The following RNF123 variants were observed in gnomAD, a reference collection of about 807,000 sequenced individuals.
RNF123 encodes ring finger protein 123, also known as E3 ubiquitin-protein ligase RNF123.
In RNF123, 86 loss-of-function variants were observed where a neutral mutation model predicts 168.5. That is an observed-to-expected ratio of 0.51 (90% CI 0.43 to 0.61). RNF123 has a LOEUF of 0.61. Ranked by LOEUF, RNF123 falls within the 20% of genes least tolerant of loss-of-function variation. RNF123 has a pLI of 0.00. For missense variants in RNF123, 1,419 were observed against 1,729.7 expected (o/e 0.82, Z 3.19); for synonymous variants, 666 against 689.1 (o/e 0.97, Z 0.52).
At chr3:49,715,783 A>G (rs745648479) in intron 32 of RNF123, 39 bp from the exon 33 acceptor site, 1 of 1,613,928 alleles carries the variant, frequency 6.2e-7, no homozygotes, top group Non-Finnish European at 8.5e-7. Context: ...GGCTAGAGCC[A>G]GGTGCTGACC....
rs542830869 is a variant in RNF123, at chr3:49,699,212, T to G, written c.764+107T>G. ...CCATGGGCTGGTGGCAGGCCCTGGC[T>G]GCTGCAGAGTTAGTGGGGGGCCATG... On this transcript the variant is annotated intron_variant, in intron 10 of 38. Transcript: ENST00000327697. The surrounding 1 kb of genome is among the most constrained non-coding windows in gnomAD (Gnocchi z 4.8). 1 of 1,442,624 alleles carries G rather than the reference T, an allele frequency of 6.9e-7. No individual in the cohort carries two copies. The highest frequency in any genetic ancestry group is 1.4e-5 in the African/African-American group (1 of 70,584). The allele number at this position is 1,442,624 out of a possible 1,614,324, so 89.4% of individuals were successfully genotyped here.
intron 9 of RNF123, 28 bp downstream of exon 9, chr3:49,698,850 C>G (rs375973851): frequency 1.2e-6 from 2 of 1,611,830 alleles, no homozygotes; most frequent in African/African-American, 2.7e-5. Context: ...ATGCACAGGC[C>G]TGGCCCCTGG....
chr3:49,699,107 TATC>T lies in RNF123; in HGVS notation c.764+5_764+7del. ...CAACTTTGGCAGCCGTCCTCTGCGATATCATTTTGTGAAGATGGCTGTGGGCTG... is the reference window on the plus strand; with the variant it reads ...CAACTTTGGCAGCCGTCCTCTGCGATATTTTGTGAAGATGGCTGTGGGCTG... On this transcript the variant is annotated splice_donor_5th_base_variant and intron_variant, in intron 10 of 38. Transcript: ENST00000327697. This position sits in a 1 kb window ranked among gnomAD's most constrained non-coding sequence, Gnocchi z 4.8. 1 of 1,612,838 alleles carries T rather than the reference TATC, an allele frequency of 6.2e-7. No individual in the cohort carries two copies. Among genetic ancestry groups the T allele is most frequent in the Non-Finnish European group, 8.5e-7 (1 of 1,179,784 alleles).
At chr3:49,698,278 A>G (rs2054308140) in intron 7 of RNF123, 141 bp downstream of exon 7, 1 of 939,078 alleles carries the variant, frequency 1.1e-6, no homozygotes. Flanking sequence ...AACGTGTCCC[A>G]CCCAATCCCA....
intron 35 of RNF123, chr3:49,719,617 C>T (rs372368983): frequency 1.5e-6 from 1 of 658,092 alleles, no homozygotes. Flanking sequence ...CCCCTACTCT[C>T]CGGTTCCCAG....
rs367894311 is a variant in RNF123, at chr3:49,712,566, A to C, written c.2584A>C (p.Met862Leu). Residue 862 changes from methionine (M) to leucine (L), a missense_variant, in exon 27 of 39, where the codon ATG becomes CTG. Met to Leu is a conservative substitution (Grantham distance 15, BLOSUM62 2). Coordinates refer to ENST00000327697, the MANE Select transcript of RNF123 (RefSeq NM_022064.5). ...TCGCACAGGGTCTCTCTTTGCCTTC[A>C]TGCCCGAGTTCTACCTGAGCGTGGC... The part of the protein sequence containing the change: ...GDRTGSLFAF[M>L]PEFYLSVAIN... 2.5e-6 allele frequency: 4 copies of C among 1,614,216 alleles called. No homozygotes were observed. The highest frequency in any genetic ancestry group is 1.6e-4 in the Middle Eastern group (1 of 6,062).
chr3:49,719,339 C>T (rs754618892), intron 35 of RNF123: 3 of 1,613,374 alleles, frequency 1.9e-6, no homozygotes, highest in Admixed American at 3.3e-5. Context: ...CTTAGCAGGT[C>T]GGCAGCGCAG....
chr3:49,710,218 CATT>C (rs1181075428), intron 26 of RNF123, among the ~76,000 whole-genome samples: 1 of 152,132 alleles, frequency 6.6e-6, no homozygotes, highest in Admixed American at 6.6e-5. Context: ...TGATTAGTGA[CATT>C]ATGACAAATA....
chr3:49,700,837 G>A lies in RNF123; in HGVS notation c.1277+128G>A, dbSNP rs112497172. 3,687 of 984,166 alleles carry A rather than the reference G, an allele frequency of 3.7e-3. 18 individuals are homozygous for A. Among genetic ancestry groups the A allele is most frequent in the Non-Finnish European group, 4.5e-3 (2,864 of 633,026 alleles). The allele number at this position is 984,166 out of a possible 1,614,324, so 61.0% of individuals were successfully genotyped here. A position where few individuals can be genotyped will look rare whatever the true frequency, so the allele number is the denominator to read the frequency against. On this transcript the variant is annotated intron_variant, in intron 15 of 38. Coordinates refer to ENST00000327697, the MANE Select transcript of RNF123 (RefSeq NM_022064.5). ...ATCAGGAGGACCAGAGCTGCCCAAC[G>A]TGGCATTTTCTCTACAGAGCAAGGA...
intron 12 of RNF123, 142 bp from the exon 13 acceptor site, chr3:49,700,085 G>T: frequency 8.2e-7 from 1 of 1,222,532 alleles, no homozygotes; most frequent in Non-Finnish European, 1.1e-6. Flanking sequence ...GTCAGACCCC[G>T]GAAGGGGTCA....
chr3:49,701,757 G>GC, intron 16 of RNF123, 54 bp from the exon 17 acceptor site: 1 of 1,520,748 alleles, frequency 6.6e-7, no homozygotes, highest in South Asian at 1.2e-5. Context: ...AGTGAAGGAG[G>GC]CCTGGCTAGG....
At position 49,713,573 on chromosome 3, in the gene RNF123, G is replaced by A. The variant is rs548408209; in HGVS notation, c.2735G>A (p.Arg912His). ...CTCGCCAAACACTTTGCCGACGCAC[G>A]CATTGTGGGCACTGGTGAGGGGCCC... ...AILAKHFADARIVGTDIRDSL... is the reference protein window; with the variant it reads ...AILAKHFADAHIVGTDIRDSL... Residue 912 changes from arginine to histidine, a missense_variant, in exon 28 of 39, where the codon CGC (arginine) becomes CAC (histidine). This residue lies in a region of RNF123 where 538 missense variants were observed against 708.8 expected (regional missense o/e 0.76). Coordinates refer to ENST00000327697, the MANE Select transcript of RNF123 (RefSeq NM_022064.5). 6.6e-5 allele frequency: 107 copies of A among 1,612,156 alleles called. No homozygotes were observed. Among genetic ancestry groups the A allele is most frequent in the Non-Finnish European group, 7.0e-5 (82 of 1,179,306 alleles).
intron 20 of RNF123, 96 bp from the exon 21 acceptor site, chr3:49,703,331 C>G: frequency 1.0e-6 from 1 of 994,742 alleles, no homozygotes; most frequent in Non-Finnish European, 1.5e-6. Flanking sequence ...AGCCAGAATT[C>G]CCAGGCTGTG....
rs758734619 is a variant in RNF123, at chr3:49,702,323, CT to C, written c.1558-10del. ...CAGCTCAGCACAGCCTCACTTTTCC[CT>C]CTCTCAAAGGGTGAAGCTTCTAGGT... On this transcript the variant is annotated splice_polypyrimidine_tract_variant and intron_variant, in intron 18 of 38. Transcript: ENST00000327697. 45 of 1,613,978 alleles carry C rather than the reference CT, an allele frequency of 2.8e-5. No homozygotes were observed. The highest frequency in any genetic ancestry group is 3.6e-5 in the Non-Finnish European group (43 of 1,179,932).
intron 21 of RNF123, among the ~76,000 whole-genome samples, chr3:49,704,398 T>C (rs567314931): frequency 6.6e-6 from 1 of 151,982 alleles, no homozygotes; most frequent in Non-Finnish European, 1.5e-5. Context: ...GAAAGTCAAT[T>C]TGAAAATAAA....
intron 3 of RNF123, among the ~76,000 whole-genome samples, chr3:49,695,575 A>G (rs1253161176): frequency 6.6e-6 from 1 of 152,186 alleles, no homozygotes; most frequent in African/African-American, 2.4e-5. Flanking sequence ...CTCTGCTCCT[A>G]CAGCTCAGGG....
At chr3:49,706,640 G>A (rs1234670787) in intron 25 of RNF123, 151 bp from the exon 26 acceptor site, 2 of 660,034 alleles carry the variant, frequency 3.0e-6, no homozygotes, top group Non-Finnish European at 5.3e-6. Flanking sequence ...GTCACCAGAG[G>A]GTCAGTGGCA....
At chr3:49,718,168 G>A in intron 35 of RNF123, 2 of 1,613,166 alleles carry the variant, frequency 1.2e-6, no homozygotes, top group Non-Finnish European at 8.5e-7. Flanking sequence ...GAGTACTGAG[G>A]ACTGTGCGCT....
chr3:49,717,861 C>A, intron 35 of RNF123: 1 of 1,408,278 alleles, frequency 7.1e-7, no homozygotes, highest in Non-Finnish European at 9.6e-7. Context: ...ACAGTGCTTC[C>A]CACCAGTATC....
Sources: allele counts gnomAD v4.1 joint callset (sites outside exome capture counted in the v4.1 genomes callset), GRCh38; gene constraint gnomAD v4.1.1; regional missense constraint gnomAD v4.1.1; non-coding constraint Gnocchi (gnomAD v3.1); transcripts MANE v1.5; gene names NCBI Gene and HGNC (gene_info 2026-07-23, HGNC 2026-07-21).